The following NSD1 variants were observed in gnomAD, a reference collection of about 807,000 sequenced individuals.
NSD1 encodes the protein histone-lysine N-methyltransferase, H3 lysine-36 specific.
NSD1 carries 26 observed loss-of-function variants against 242.7 expected under a neutral mutation model. The ratio of observed to expected loss-of-function variants is 0.11; its 90% CI spans 0.08 to 0.15. The LOEUF (loss-of-function observed/expected upper bound fraction) is 0.15. Among genes scored for constraint, NSD1 ranks in the 10% least tolerant of loss-of-function variants. The pLI, the probability that NSD1 is intolerant of heterozygous loss-of-function variation, is 1.00. For synonymous variants in NSD1, 1,106 were observed against 1,178.1 expected (o/e 0.94, Z 1.25); for missense variants, 2,495 against 3,272.8 (o/e 0.76, Z 5.80).
chr5:177,232,901 A>T (rs1042533368), intron 5 of NSD1, among the ~76,000 whole-genome samples: 2 of 152,198 alleles, frequency 1.3e-5, no homozygotes, highest in Admixed American at 1.3e-4. Flanking sequence ...TCAGAAGAGT[A>T]TGGTATTAGA....
intron 4 of NSD1, among the ~76,000 whole-genome samples, 179 bp from the exon 5 acceptor site, chr5:177,209,457 A>T (rs1486294366): frequency 6.8e-6 from 1 of 147,624 alleles, no homozygotes; most frequent in Non-Finnish European, 1.5e-5. Flanking sequence ...TGAACCCGGG[A>T]GGCAGAGGTT....
chr5:177,205,328 G>A (rs977713113), intron 4 of NSD1, among the ~76,000 whole-genome samples: 8 of 152,096 alleles, frequency 5.3e-5, no homozygotes, highest in East Asian at 3.9e-4. Flanking sequence ...GAGCCACTGC[G>A]CCCACTGAGA....
intron 21 of NSD1, among the ~76,000 whole-genome samples, chr5:177,290,110 G>A (rs1349879103): frequency 6.6e-6 from 1 of 151,152 alleles, no homozygotes; most frequent in Middle Eastern, 3.2e-3. Context: ...TTACAGGCGT[G>A]AGCCACTGTG....
rs376840557 is a variant in NSD1 at position 177,294,404 on chromosome 5, A to T, written c.7036A>T (p.Arg2346Trp). ...CAGCCCAAGCTCCTCACCCTCAGTCAGGTCCCAACCACTGGAAAGACCTCT... is the reference window on the plus strand; with the variant it reads ...CAGCCCAAGCTCCTCACCCTCAGTCTGGTCCCAACCACTGGAAAGACCTCT... ...VTSPSSSPSV[R>W]SQPLERPLGT... The change falls in exon 23 of 23, where the codon AGG becomes TGG. Residue 2346 changes from arginine to tryptophan, a missense_variant. Around this residue, in one of 19 missense-constraint regions of NSD1, gnomAD observed 475 missense variants for 563.7 expected, o/e 0.84. Coordinates refer to ENST00000439151, the MANE Select transcript of NSD1 (RefSeq NM_022455.5). The T allele has an allele frequency of 2.5e-6, 4 of 1,614,076 alleles. No individual in the cohort carries two copies. In the African/African-American group the frequency reaches 5.3e-5, roughly 22 times the overall value.
chr5:177,257,331 C>T (rs1649298510), intron 13 of NSD1, among the ~76,000 whole-genome samples, 180 bp downstream of exon 13: 2 of 149,908 alleles, frequency 1.3e-5, no homozygotes, highest in Non-Finnish European at 3.0e-5. Flanking sequence ...CCTGGGTTCA[C>T]GCCATTCTCC....
chr5:177,146,921 C>T (rs1018356699), intron 2 of NSD1, among the ~76,000 whole-genome samples: 3 of 151,448 alleles, frequency 2.0e-5, no homozygotes, highest in South Asian at 2.1e-4. Context: ...GTTGGAGAAT[C>T]GCTTGAACCC....
chr5:177,151,388 A>C (rs188803168), intron 2 of NSD1, among the ~76,000 whole-genome samples: 1 of 151,294 alleles, frequency 6.6e-6, no homozygotes, highest in Non-Finnish European at 1.5e-5. Context: ...AGTCTTTTTT[A>C]TTTTTATTTT....
At chr5:177,256,458 T>C (rs915626370) in intron 12 of NSD1, among the ~76,000 whole-genome samples, 1 of 152,048 alleles carries the variant, frequency 6.6e-6, no homozygotes, top group Admixed American at 6.6e-5. Context: ...AATTTTTGTA[T>C]GTTTAGTAGA....
rs779537845 is a variant in NSD1, at chr5:177,251,753, G to A, written c.4665G>A (p.Leu1555=). 156 of 1,614,042 alleles carry A rather than the reference G, an allele frequency of 9.7e-5. No homozygotes were observed. Among genetic ancestry groups the A allele is most frequent in the Non-Finnish European group, 1.2e-4 (146 of 1,180,006 alleles). The part of the protein sequence containing the change: ...VCQNCEKLGE[L]LLCEAQCCGA... ...AGAATTGTGAAAAATTGGGTGAGCT[G>A]CTGTTATGTGAGGCTCAGTGCTGTG... Residue 1555 remains leucine (L), a synonymous_variant, in exon 12 of 23, where the codon CTG becomes CTA. Transcript: ENST00000439151.
Position 177,135,451 on chromosome 5 carries a change from G to C in NSD1, c.348G>C (p.Leu116Phe), listed in dbSNP as rs1756233752. The C allele has an allele frequency of 6.2e-7, 1 of 1,614,056 alleles. No individual in the cohort carries two copies. Among genetic ancestry groups the C allele is most frequent in the Non-Finnish European group, 8.5e-7 (1 of 1,180,048 alleles). ...RAQTPIVCTS[L>F]SPGGPTALAM... ...AGACGCCAATTGTTTGCACTTCCTT[G>C]AGTCCTGGTGGTCCTACAGCACTTG... The change falls in exon 2 of 23, where the codon TTG becomes TTC. Residue 116 changes from leucine to phenylalanine, a missense_variant. Leu to Phe is a conservative substitution (Grantham distance 22). Around this residue, in one of 19 missense-constraint regions of NSD1, gnomAD observed 376 missense variants for 367.4 expected, o/e 1.02. Transcript: ENST00000439151.
At position 177,290,181 on chromosome 5, in the gene NSD1, AT is replaced by A. The variant is rs1759704918; in HGVS notation, c.6258+1263del. On this transcript the variant is annotated intron_variant, in intron 21 of 22. Transcript: ENST00000439151. Reference sequence around the variant, plus strand: ...CTGATCATTTTTAGTGACTGTCTTAATTTTTTTATATAATGGATGGACATAC... The same window carrying A: ...CTGATCATTTTTAGTGACTGTCTTAATTTTTTATATAATGGATGGACATAC... Among the ~76,000 whole-genome samples, 6 of 146,728 alleles carry A rather than the reference AT, an allele frequency of 4.1e-5. No homozygotes were observed. The Admixed American group carries it at 4.2e-4, about 10-fold the overall frequency.
chr5:177,297,852 C>T lies in NSD1; in HGVS notation c.*2393C>T, dbSNP rs572951043. On this transcript the variant is annotated 3_prime_UTR_variant, in exon 23 of 23. Coordinates refer to ENST00000439151, the MANE Select transcript of NSD1 (RefSeq NM_022455.5). ...TTTGTGGTTTTATTTTGGTTCTTTC[C>T]ATTCTCCGCCATTCATTGGAGGCTT... is the stretch of plus-strand genomic sequence containing the variant. 1.7e-5 allele frequency: 4 copies of T among 232,982 alleles called. No homozygotes were observed. The East Asian group carries it at 2.4e-4, about 14-fold the overall frequency. The allele number at this position is 232,982 out of a possible 1,614,324, so 14.4% of individuals were successfully genotyped here.
rs530320295 is a variant in NSD1, at chr5:177,298,909, G to T, written c.*3450G>T. 1 of 232,986 alleles carries T rather than the reference G, an allele frequency of 4.3e-6. No homozygotes were observed. The highest frequency in any genetic ancestry group is 5.6e-5 in the Admixed American group (1 of 17,768). The allele number at this position is 232,986 out of a possible 1,614,324, so 14.4% of individuals were successfully genotyped here. On this transcript the variant is annotated 3_prime_UTR_variant, in exon 23 of 23. Transcript: ENST00000439151. ...TTAAATGATACTGTCATCCTCTTGG[G>T]GTTTATCAGCCAGGTTAGAGGAGCC...
rs777258117 is a variant in NSD1 at position 177,282,528 on chromosome 5, C to T, written c.5956C>T (p.Arg1986Cys). 5.0e-6 allele frequency: 8 copies of T among 1,613,734 alleles called. 1 individual carries two copies. The highest frequency in any genetic ancestry group is 1.3e-5 in the African/African-American group (1 of 74,892). ...IDEEECRARI[R>C]YAQEHDITNF... ...TGAAGAAGAATGCAGAGCTCGAATTCGCTATGCTCAAGAACATGATATCAC... is the reference window on the plus strand; with the variant it reads ...TGAAGAAGAATGCAGAGCTCGAATTTGCTATGCTCAAGAACATGATATCAC... Residue 1986 changes from arginine to cysteine, a missense_variant, in exon 19 of 23, where the codon CGC (arginine) becomes TGC (cysteine). By Grantham distance (180) the Arg-to-Cys change is radical. Transcript: ENST00000439151.
intron 5 of NSD1, among the ~76,000 whole-genome samples, chr5:177,234,910 T>G (rs990194141): frequency 1.3e-5 from 2 of 152,202 alleles, no homozygotes; most frequent in African/African-American, 4.8e-5. Flanking sequence ...TACAGTAACC[T>G]TTTAATCAAA....
intron 15 of NSD1, 150 bp downstream of exon 15, chr5:177,267,868 G>T: frequency 1.3e-6 from 1 of 755,082 alleles, no homozygotes; most frequent in Non-Finnish European, 2.2e-6. Flanking sequence ...TATAGGAAGA[G>T]AAACCTAACT....
chr5:177,266,895 C>T (rs1258952781), intron 14 of NSD1, among the ~76,000 whole-genome samples: 1 of 152,218 alleles, frequency 6.6e-6, no homozygotes, highest in Non-Finnish European at 1.5e-5. Context: ...AGGCAAGAGC[C>T]TTGCTGTCAC....
At chr5:177,200,733 CTT>C (rs1326957190) in intron 3 of NSD1, among the ~76,000 whole-genome samples, 5 of 151,942 alleles carry the variant, frequency 3.3e-5, no homozygotes, top group African/African-American at 9.7e-5. Context: ...TTCTGAATTT[CTT>C]TCTCTCTCTC....
chr5:177,228,265 C>CTT (rs750070622), intron 5 of NSD1, among the ~76,000 whole-genome samples: 5 of 138,328 alleles, frequency 3.6e-5, no homozygotes, highest in East Asian at 2.1e-4. Flanking sequence ...TTTTTCTTTT[C>CTT]TTTTTTTTTT....
Sources: allele counts gnomAD v4.1 joint callset (sites outside exome capture counted in the v4.1 genomes callset), GRCh38; gene constraint gnomAD v4.1.1; regional missense constraint gnomAD v4.1.1; transcripts MANE v1.5; gene names NCBI Gene and HGNC (gene_info 2026-07-23, HGNC 2026-07-21).